Variants in PI4KA observed in about 807,000 individuals in gnomAD.
The protein encoded by PI4KA is PI4-kinase alpha.
Under a neutral mutation model 271.4 loss-of-function variants are expected in PI4KA, and 122 were observed. That is an observed-to-expected ratio of 0.45 (90% CI 0.39 to 0.52). The LOEUF is 0.52. Ranked by LOEUF, PI4KA falls within the 20% of genes least tolerant of loss-of-function variation. The pLI, the probability that PI4KA is intolerant of heterozygous loss-of-function variation, is 0.00. For missense variants in PI4KA, 1,969 were observed against 2,769.1 expected, an observed-to-expected ratio of 0.71 and a Z score of 6.48; for synonymous variants, 1,041 against 1,078.8, an observed-to-expected ratio of 0.96 and a Z score of 0.69.
rs1033634954 is a variant in PI4KA at position 20,751,514 on chromosome 22, G to A, written c.3070-138C>T. The A allele has an allele frequency of 5.4e-6, 5 of 920,732 alleles. No homozygotes were observed. The African/African-American group carries it at 8.2e-5, about 15-fold the overall frequency. The allele number at this position is 920,732 out of a possible 1,614,324, so 57.0% of individuals were successfully genotyped here. On this transcript the variant is annotated intron_variant, in intron 26 of 54. Transcript: ENST00000255882. ...TGATGCAACTTATTGCAAAACACCA[G>A]GTGGATTTGGGCCCCCTCACCCCCA...
intron 17 of PI4KA, chr22:20,798,382 C>T (rs1385815412): frequency 5.4e-6 from 3 of 554,092 alleles, no homozygotes; most frequent in Admixed American, 6.2e-5. Context: ...GGAGCTGAGA[C>T]CTCGTGCGCT....
intron 23 of PI4KA, among the ~76,000 whole-genome samples, chr22:20,760,499 T>C (rs1219552621): frequency 6.6e-6 from 1 of 152,190 alleles, no homozygotes; most frequent in Non-Finnish European, 1.5e-5. Context: ...ATTAGCCTTT[T>C]GCAATTTAAA....
Position 20,764,837 on chromosome 22 carries a change from C to T in PI4KA, c.2688G>A (p.Val896=). 2 of 1,613,144 alleles carry T rather than the reference C, an allele frequency of 1.2e-6. No homozygotes were observed. Among genetic ancestry groups the T allele is most frequent in the Non-Finnish European group, 1.7e-6 (2 of 1,179,520 alleles). Residue 896 remains valine (V), a synonymous_variant, in exon 22 of 55, where the codon GTG becomes GTA. Transcript: ENST00000255882. Reference sequence around the variant, plus strand: ...TGTACCTCATGTACTCCAGCCGGTACACAGAGAGGAGGTAGGTGGACATGG... The same window carrying T: ...TGTACCTCATGTACTCCAGCCGGTATACAGAGAGGAGGTAGGTGGACATGG... ...DFAMSTYLLS[V]YRLEYMRVLR...
chr22:20,774,593 T>C (rs1378867085), intron 19 of PI4KA, among the ~76,000 whole-genome samples: 1 of 151,904 alleles, frequency 6.6e-6, no homozygotes, highest in Non-Finnish European at 1.5e-5. Context: ...AAGCCAAGTC[T>C]CTACTAAAAA....
chr22:20,840,332 A>C (rs1308149928), intron 1 of PI4KA, among the ~76,000 whole-genome samples: 6 of 152,328 alleles, frequency 3.9e-5, no homozygotes, highest in South Asian at 2.1e-4. Flanking sequence ...GGAAAAGAAG[A>C]AGCAAGGAGG....
chr22:20,733,699 G>A (rs367967750), intron 35 of PI4KA, 37 bp downstream of exon 35: 51 of 1,613,694 alleles, frequency 3.2e-5, no homozygotes, highest in Middle Eastern at 1.7e-4. Context: ...GGGCTGCGCC[G>A]TCCCTGGACG....
At chr22:20,759,332 C>G (rs573826544) in intron 23 of PI4KA, among the ~76,000 whole-genome samples, 6 of 152,086 alleles carry the variant, frequency 3.9e-5, no homozygotes, top group African/African-American at 1.4e-4. Context: ...GCGTAAGCCA[C>G]TGCACCTGGC....
At chr22:20,711,735 G>A (rs1925302048) in intron 50 of PI4KA, among the ~76,000 whole-genome samples, 1 of 152,124 alleles carries the variant, frequency 6.6e-6, no homozygotes, top group Non-Finnish European at 1.5e-5. Context: ...CTCCCAAAGT[G>A]GCTTACAGAT....
At chr22:20,847,097 G>A (rs977420055) in intron 1 of PI4KA, among the ~76,000 whole-genome samples, 26 of 149,548 alleles carry the variant, frequency 1.7e-4, no homozygotes, top group Middle Eastern at 3.4e-3. Flanking sequence ...GCAGTGAGCC[G>A]AGATCACGCC....
intron 27 of PI4KA, among the ~76,000 whole-genome samples, 154 bp downstream of exon 27, chr22:20,751,139 G>A (rs911067840): frequency 6.6e-6 from 1 of 151,992 alleles, no homozygotes; most frequent in African/African-American, 2.4e-5. Context: ...GCCTGGCAAT[G>A]GCTTGGTCTC....
At chr22:20,748,920 G>A (rs1387089978) in intron 28 of PI4KA, among the ~76,000 whole-genome samples, 3 of 152,146 alleles carry the variant, frequency 2.0e-5, no homozygotes, top group African/African-American at 7.2e-5. Flanking sequence ...GGCAGGCCTG[G>A]GGCACGCCAA....
chr22:20,844,429 G>A (rs941424574), intron 1 of PI4KA, among the ~76,000 whole-genome samples: 1 of 152,216 alleles, frequency 6.6e-6, no homozygotes, highest in Non-Finnish European at 1.5e-5. Flanking sequence ...CTGCCTTACT[G>A]AATGAATGGA....
At chr22:20,753,298 G>A (rs1248938158) in intron 23 of PI4KA, 118 bp from the exon 24 acceptor site, 19 of 912,484 alleles carry the variant, frequency 2.1e-5, no homozygotes, top group Non-Finnish European at 2.8e-5. Context: ...AGACAGCACA[G>A]AGCTCCCATA....
At chr22:20,739,780 TGG>T (rs1434604715) in intron 32 of PI4KA, among the ~76,000 whole-genome samples, 1 of 152,104 alleles carries the variant, frequency 6.6e-6, no homozygotes, top group Non-Finnish European at 1.5e-5. Flanking sequence ...AAGAATTAAA[TGG>T]CTGGGCGTGG....
intron 1 of PI4KA, among the ~76,000 whole-genome samples, chr22:20,847,087 G>C (rs989534770): frequency 6.6e-6 from 1 of 151,020 alleles, no homozygotes; most frequent in Non-Finnish European, 1.5e-5. Context: ...GGTGGAGGTT[G>C]CAGTGAGCCG....
chr22:20,726,455 G>T, intron 42 of PI4KA, 33 bp downstream of exon 42: 1 of 1,523,858 alleles, frequency 6.6e-7, no homozygotes, highest in Non-Finnish European at 8.7e-7. Context: ...CACTCTGTGA[G>T]TGAAGAGGAC....
At chr22:20,717,578 A>G (rs1926161746) in intron 45 of PI4KA, 130 bp downstream of exon 45, 3 of 770,646 alleles carry the variant, frequency 3.9e-6, no homozygotes, top group Non-Finnish European at 6.8e-6. Flanking sequence ...CCGTGGGCCC[A>G]AGCAGGTGTG....
At chr22:20,726,566 C>A (rs1339386164) in intron 41 of PI4KA, 25 bp from the exon 42 acceptor site, 2 of 1,576,906 alleles carry the variant, frequency 1.3e-6, no homozygotes, top group Non-Finnish European at 1.7e-6. Flanking sequence ...CAGAGTTGGC[C>A]ATGACTTCTG....
In PI4KA at chr22:20,770,633, A is replaced by ACAC. The variant is rs1932834847; in HGVS notation, c.2329-4941_2329-4940insGTG. 7.3e-5 allele frequency among the ~76,000 whole-genome samples: 9 copies of ACAC among 123,118 alleles called. No individual in the cohort carries two copies. In the South Asian group the frequency reaches 2.5e-3, roughly 35 times the overall value. The allele number at this position is 123,118 out of a possible 152,430, so 80.8% of individuals were successfully genotyped here. On this transcript the variant is annotated intron_variant, in intron 19 of 54. Coordinates refer to ENST00000255882, the MANE Select transcript of PI4KA (RefSeq NM_058004.4). ...ACACACACACACACACACACACACA[A>ACAC]GCTGGACACAGAGACACACACAGTG...
Sources: gnomAD v4.1 joint callset for allele counts (sites outside exome capture counted in the v4.1 genomes callset) on GRCh38, gnomAD v4.1.1 for gene constraint, MANE v1.5 for transcripts, NCBI Gene and HGNC (gene_info 2026-07-23, HGNC 2026-07-21) for gene names.